The following PHACTR2 variants were observed in gnomAD, a reference collection of about 807,000 sequenced individuals.
PHACTR2 encodes the protein chromosome 6 open reading frame 56.
PHACTR2 carries 30 observed loss-of-function variants against 76.0 expected under a neutral mutation model. The ratio of observed to expected loss-of-function variants is 0.39; its 90% CI spans 0.30 to 0.54. PHACTR2 has a LOEUF of 0.54. PHACTR2 is among the 20% of genes least tolerant of loss of function. PHACTR2 has a pLI of 0.61. For synonymous variants in PHACTR2, 292 were observed against 292.5 expected, an observed-to-expected ratio of 1.00 and a Z score of 0.02; for missense variants, 696 against 781.1, an observed-to-expected ratio of 0.89 and a Z score of 1.30.
At chr6:143,630,152 T>A (rs1776337486) in intron 1 of PHACTR2, among the ~76,000 whole-genome samples, 2 of 151,038 alleles carry the variant, frequency 1.3e-5, no homozygotes, top group Admixed American at 1.3e-4. Flanking sequence ...TTATAATTCA[T>A]AATATTAAGA....
Position 143,755,864 on chromosome 6 carries a change from A to C in PHACTR2, c.454+1952A>C, listed in dbSNP as rs2128471172. Among the ~76,000 whole-genome samples the C allele has an allele frequency of 6.6e-6, 1 of 152,250 alleles. No homozygotes were observed. The highest frequency in any genetic ancestry group is 2.1e-4 in the South Asian group (1 of 4,828). ...TGCCTTATGACAAAGGTAACAATTT[A>C]TTTCTCTAGAAAAACATTTTTCATT... On this transcript the variant is annotated intron_variant, in intron 4 of 12. Transcript: ENST00000440869. The surrounding 1 kb of genome is among the most constrained non-coding windows in gnomAD (Gnocchi z 5.2).
rs1380286871 is a variant in PHACTR2, at chr6:143,662,739, T to C, written c.14-49277T>C. Among the ~76,000 whole-genome samples, 1 of 152,202 alleles carries C rather than the reference T, an allele frequency of 6.6e-6. No homozygotes were observed. Among genetic ancestry groups the C allele is most frequent in the African/African-American group, 2.4e-5 (1 of 41,458 alleles). On this transcript the variant is annotated intron_variant, in intron 1 of 11. Coordinates refer to the PHACTR2 transcript ENST00000305766. This position sits in a 1 kb window ranked among gnomAD's most constrained non-coding sequence, Gnocchi z 4.7. ...CCTATATTACAATTAGTTTTTTCTT[T>C]TTTTCTTTAATTTCGGCTTTTATTT...
intron 1 of PHACTR2, among the ~76,000 whole-genome samples, chr6:143,564,256 C>A (rs9496673): frequency 9.2e-6 from 1 of 109,254 alleles, no homozygotes; most frequent in Non-Finnish European, 1.9e-5. Context: ...TGCACTCTAA[C>A]CTTGGCAACA....
At position 143,672,790 on chromosome 6, in the gene PHACTR2, C is replaced by A. The variant is rs1451088548; in HGVS notation, c.14-39226C>A. Among the ~76,000 whole-genome samples, 4 of 152,016 alleles carry A rather than the reference C, an allele frequency of 2.6e-5. No homozygotes were observed. The highest frequency in any genetic ancestry group is 7.2e-5 in the African/African-American group (3 of 41,390). On this transcript the variant is annotated intron_variant, in intron 1 of 11. Transcript: ENST00000305766. The surrounding 1 kb of genome is among the most constrained non-coding windows in gnomAD (Gnocchi z 5.8). ...CCCAGGCTGGAATGCAATGGCTCAA[C>A]CTCAGCTCATTGCAACCTCCGCCTC...
rs1582796982 is a variant in PHACTR2, at chr6:143,710,428, C to T, written c.47-1588C>T. 6.6e-6 allele frequency among the ~76,000 whole-genome samples: 1 copy of T among 152,310 alleles called. No homozygotes were observed. Among genetic ancestry groups the T allele is most frequent in the African/African-American group, 2.4e-5 (1 of 41,562 alleles). On this transcript the variant is annotated intron_variant, in intron 1 of 12. Transcript: ENST00000440869. The surrounding 1 kb of genome is among the most constrained non-coding windows in gnomAD (Gnocchi z 4.9). ...TAAGTTTGGGCTGCGTGTGGTGGCT[C>T]ACGCCTGTAATCCCAGCAGTTTGGG...
In PHACTR2 at chr6:143,744,699, C is replaced by T. The variant is rs117066724; in HGVS notation, c.215-4286C>T. 1.6e-4 allele frequency among the ~76,000 whole-genome samples: 25 copies of T among 152,224 alleles called. No individual in the cohort carries two copies. In the East Asian group the frequency reaches 4.3e-3, roughly 26 times the overall value. ...GAAAGAAGTGGTTAGGAGCCAGGCA[C>T]GTGGGAGGCGGGACAGCCTAAGGGG... On this transcript the variant is annotated intron_variant, in intron 2 of 12. Coordinates refer to ENST00000440869, the MANE Select transcript of PHACTR2 (RefSeq NM_001100164.2).
At position 143,698,291 on chromosome 6, in the gene PHACTR2, C is replaced by T. The variant is rs1427927490; in HGVS notation, c.47-13725C>T. ...AGAAAGAAACCAAAATAGAACATCTCGCAAGTGGGGCATCCTCAATAACTA... is the reference window on the plus strand; with the variant it reads ...AGAAAGAAACCAAAATAGAACATCTTGCAAGTGGGGCATCCTCAATAACTA... On this transcript the variant is annotated intron_variant, in intron 1 of 12. Coordinates refer to ENST00000440869, the MANE Select transcript of PHACTR2 (RefSeq NM_001100164.2). This position sits in a 1 kb window ranked among gnomAD's most constrained non-coding sequence, Gnocchi z 4.3. Among the ~76,000 whole-genome samples the T allele has an allele frequency of 1.3e-5, 2 of 152,128 alleles. No homozygotes were observed. The highest frequency in any genetic ancestry group is 3.4e-3 in the Middle Eastern group (1 of 294).
chr6:143,740,792 G>C (rs1206346971), intron 2 of PHACTR2, among the ~76,000 whole-genome samples: 1 of 152,156 alleles, frequency 6.6e-6, no homozygotes, highest in Non-Finnish European at 1.5e-5. Flanking sequence ...CGTACCTCTG[G>C]TGGGAAAGTT....
rs1341330418 is a variant in PHACTR2 at position 143,771,158 on chromosome 6, G to GTATATATATATATA, written c.1233-1098_1233-1085dup. On this transcript the variant is annotated intron_variant, in intron 6 of 12. Coordinates refer to ENST00000440869, the MANE Select transcript of PHACTR2 (RefSeq NM_001100164.2). ...TATATATATATGTATATATATATATGTATATATATATATATGTATATATAT... is the reference window on the plus strand; with the variant it reads ...TATATATATATGTATATATATATATGTATATATATATATATATATATATATATATGTATATATAT... 8.9e-4 allele frequency among the ~76,000 whole-genome samples: 13 copies of GTATATATATATATA among 14,590 alleles called. 1 individual carries two copies. Among genetic ancestry groups the GTATATATATATATA allele is most frequent in the African/African-American group, 1.8e-3 (12 of 6,608 alleles). 9.6% of individuals were successfully genotyped at this position (14,590 alleles called of 152,430 possible).
At position 143,672,959 on chromosome 6, in the gene PHACTR2, A is replaced by G. The variant is rs745815325; in HGVS notation, c.14-39057A>G. The stretch of plus-strand genomic sequence containing the variant: ...AGGCTGGTCTCAAGCTCCTGACCTC[A>G]GGTGATCCGCCCACCTCGGCCTCCC... On this transcript the variant is annotated intron_variant, in intron 1 of 11. Coordinates refer to the PHACTR2 transcript ENST00000305766. The surrounding 1 kb of genome is among the most constrained non-coding windows in gnomAD (Gnocchi z 5.8). 7.9e-5 allele frequency among the ~76,000 whole-genome samples: 12 copies of G among 152,236 alleles called. No individual in the cohort carries two copies. The South Asian group carries it at 2.3e-3, about 29-fold the overall frequency.
At chr6:143,715,458 C>G (rs573262392) in intron 2 of PHACTR2, among the ~76,000 whole-genome samples, 1 of 152,196 alleles carries the variant, frequency 6.6e-6, no homozygotes. Context: ...CACATCTACC[C>G]AAGCACCTGA....
intron 2 of PHACTR2, among the ~76,000 whole-genome samples, chr6:143,740,573 A>C (rs1343987922): frequency 1.3e-5 from 2 of 151,976 alleles, no homozygotes; most frequent in African/African-American, 4.8e-5. Context: ...AGGATACACG[A>C]GACACTAATA....
intron 1 of PHACTR2, among the ~76,000 whole-genome samples, chr6:143,690,480 G>A (rs1284087014): frequency 6.6e-6 from 1 of 152,108 alleles, no homozygotes; most frequent in Non-Finnish European, 1.5e-5. Flanking sequence ...AGCTCACGGG[G>A]TGTATGGTTT....
Position 143,760,631 on chromosome 6 carries a change from C to T in PHACTR2, c.685C>T (p.Arg229Ter). 3.1e-6 allele frequency: 5 copies of T among 1,613,622 alleles called. No individual in the cohort carries two copies. Among genetic ancestry groups the T allele is most frequent in the East Asian group, 2.2e-5 (1 of 44,836 alleles). ...CAAGCCAGCAAGCCGAAACACGACC[C>T]GAGAGGCTGGTGAGTATGCCCCCAG... ...PPKPASRNTT[R>*]EAAGSSHSKK... The change falls in exon 5 of 13, where the codon CGA (arginine) becomes TGA (stop). Residue 229 changes from arginine (R) to a stop codon, truncating the protein, a stop_gained. Coordinates refer to ENST00000440869, the MANE Select transcript of PHACTR2 (RefSeq NM_001100164.2). LOFTEE classifies it high-confidence loss of function. This position sits in a 1 kb window ranked among gnomAD's most constrained non-coding sequence, Gnocchi z 6.4.
In PHACTR2 at chr6:143,599,974, C is replaced by T. The variant is rs1265119006; in HGVS notation, c.217+62767C>T. 1.3e-5 allele frequency among the ~76,000 whole-genome samples: 2 copies of T among 152,236 alleles called. No individual in the cohort carries two copies. The highest frequency in any genetic ancestry group is 4.8e-5 in the African/African-American group (2 of 41,452). ...GTTTGGCCTGGCCAAATGATCATGTCAGTGAGCTGGATTTGATTAGACTAC... is the reference window on the plus strand; with the variant it reads ...GTTTGGCCTGGCCAAATGATCATGTTAGTGAGCTGGATTTGATTAGACTAC... On this transcript the variant is annotated intron_variant, in intron 1 of 11. Coordinates refer to the PHACTR2 transcript ENST00000367584. The surrounding 1 kb of genome is among the most constrained non-coding windows in gnomAD (Gnocchi z 4.6).
At chr6:143,693,415 T>C (rs1414877130) in intron 1 of PHACTR2, among the ~76,000 whole-genome samples, 3 of 152,104 alleles carry the variant, frequency 2.0e-5, no homozygotes, top group Non-Finnish European at 1.5e-5. Context: ...TTTTTGTATT[T>C]TTAGTAGAGA....
intron 6 of PHACTR2, among the ~76,000 whole-genome samples, chr6:143,770,929 T>C (rs962644797): frequency 4.5e-4 from 66 of 146,560 alleles, no homozygotes; most frequent in African/African-American, 1.4e-3. Context: ...TTCTTTCTTT[T>C]TTTTTTTTTT....
chr6:143,788,927 ATTTTGTGTTG>A lies in PHACTR2; in HGVS notation c.1845+18_1845+27del. ...GCAGACAAGGCAAGAATCCCAGTGG[ATTTTGTGTTG>A]ATTGTATTGCTTTTCTGGAAGCTCC... On this transcript the variant is annotated intron_variant, in intron 11 of 12. Coordinates refer to ENST00000440869, the MANE Select transcript of PHACTR2 (RefSeq NM_001100164.2). 1 of 1,599,928 alleles carries A rather than the reference ATTTTGTGTTG, an allele frequency of 6.3e-7. No homozygotes were observed. Among genetic ancestry groups the A allele is most frequent in the Admixed American group, 1.7e-5 (1 of 59,872 alleles).
rs1364510380 is a variant in PHACTR2, at chr6:143,658,662, GTATCTAAACATA to G, written c.13+50353_13+50364del. ...TTATAACACAATGGTAAGCATTTGT[GTATCTAAACATA>G]TATCTAAACATAGAAAAGGTATAGC... On this transcript the variant is annotated intron_variant, in intron 1 of 11. Coordinates refer to the PHACTR2 transcript ENST00000305766. This position sits in a 1 kb window ranked among gnomAD's most constrained non-coding sequence, Gnocchi z 4.1. 1.3e-5 allele frequency among the ~76,000 whole-genome samples: 2 copies of G among 152,134 alleles called. No individual in the cohort carries two copies. The highest frequency in any genetic ancestry group is 2.9e-5 in the Non-Finnish European group (2 of 68,034).
Sources: allele counts gnomAD v4.1 joint callset (sites outside exome capture counted in the v4.1 genomes callset), GRCh38; gene constraint gnomAD v4.1.1; non-coding constraint Gnocchi (gnomAD v3.1); transcripts MANE v1.5; gene names NCBI Gene and HGNC (gene_info 2026-07-23, HGNC 2026-07-21).